Variants in DNAJC13 observed in about 807,000 individuals in gnomAD.
The protein encoded by DNAJC13 is dnaJ homolog subfamily C member 13.
A neutral mutation model predicts 290.5 loss-of-function variants in DNAJC13; 75 were observed. That is an observed-to-expected ratio of 0.26 (90% confidence interval 0.21 to 0.31). DNAJC13 has a LOEUF of 0.31. DNAJC13 is among the 10% of genes least tolerant of loss of function. DNAJC13 has a pLI of 1.00. For missense variants in DNAJC13, 2,260 were observed against 2,674.5 expected, an observed-to-expected ratio of 0.85 and a Z score of 3.42; for synonymous variants, 862 against 892.0, an observed-to-expected ratio of 0.97 and a Z score of 0.60.
In DNAJC13 at chr3:132,461,254, C is replaced by T. The variant is rs183896381; in HGVS notation, c.1713+49C>T. 90 of 1,580,358 alleles carry T rather than the reference C, an allele frequency of 5.7e-5. No homozygotes were observed. The Admixed American group carries it at 6.0e-4, about 11-fold the overall frequency. ...CAGATAACAGTGAATTTAAGGGAAC[C>T]GCTTTTAGGATCACTGTTTCTAAGA... On this transcript the variant is annotated intron_variant, in intron 15 of 55. Coordinates refer to ENST00000260818, the MANE Select transcript of DNAJC13 (RefSeq NM_015268.4).
intron 20 of DNAJC13, among the ~76,000 whole-genome samples, chr3:132,471,174 C>T (rs1225992629): frequency 1.5e-5 from 2 of 131,520 alleles, no homozygotes; most frequent in East Asian, 4.7e-4. Flanking sequence ...GGGCTCCTCA[C>T]TTCCCAGTAG....
At chr3:132,482,199 A>G in intron 26 of DNAJC13, 27 bp from the exon 27 acceptor site, 1 of 1,585,334 alleles carries the variant, frequency 6.3e-7, no homozygotes, top group Non-Finnish European at 8.6e-7. Flanking sequence ...TGCCTTGGAA[A>G]ATAATTTAAA....
chr3:132,440,631 T>C (rs1398055311), intron 2 of DNAJC13, among the ~76,000 whole-genome samples: 1 of 152,236 alleles, frequency 6.6e-6, no homozygotes, highest in Non-Finnish European at 1.5e-5. Flanking sequence ...AAGCTATACC[T>C]TGTAGCCTAG....
In DNAJC13 at chr3:132,494,940, T is replaced by G. The variant is rs1387267360; in HGVS notation, c.3942-148T>G. On this transcript the variant is annotated intron_variant, in intron 34 of 55. Transcript: ENST00000260818. ...GTAACATGTTAAAAAAAAAAAATCT[T>G]AATTCTTTCTGGGTTTAATTTGAAG... 5 of 468,302 alleles carry G rather than the reference T, an allele frequency of 1.1e-5. No individual in the cohort carries two copies. The East Asian group carries it at 1.7e-4, about 16-fold the overall frequency. The allele number at this position is 468,302 out of a possible 1,614,324, so 29.0% of individuals were successfully genotyped here.
At chr3:132,508,879 A>G (rs1216956033) in intron 43 of DNAJC13, among the ~76,000 whole-genome samples, 5 of 152,242 alleles carry the variant, frequency 3.3e-5, no homozygotes, top group African/African-American at 1.2e-4. Flanking sequence ...TTTTAAGCCC[A>G]CTGTGGAGAC....
intron 27 of DNAJC13, among the ~76,000 whole-genome samples, chr3:132,482,791 T>A (rs923842255): frequency 4.6e-5 from 7 of 151,502 alleles, no homozygotes; most frequent in African/African-American, 1.2e-4. Context: ...TCCAGGAGGT[T>A]GAGACTGCAG....
intron 13 of DNAJC13, among the ~76,000 whole-genome samples, chr3:132,459,855 G>C (rs530287493): frequency 6.6e-6 from 1 of 152,216 alleles, no homozygotes; most frequent in Admixed American, 6.5e-5. Flanking sequence ...CATCACGCTG[G>C]AATGTTTTAT....
At chr3:132,507,133 C>G (rs1935619652) in intron 42 of DNAJC13, 104 bp from the exon 43 acceptor site, 1 of 697,368 alleles carries the variant, frequency 1.4e-6, no homozygotes, top group South Asian at 2.2e-5. Flanking sequence ...CACATTTTTT[C>G]TCTAGAATAT....
At chr3:132,463,562 A>G in intron 16 of DNAJC13, 134 bp from the exon 17 acceptor site, 3 of 963,004 alleles carry the variant, frequency 3.1e-6, no homozygotes, top group Non-Finnish European at 4.4e-6. Context: ...TTGGGTGATT[A>G]GAAGATGCAT....
At chr3:132,418,514 C>T (rs578155606) in intron 1 of DNAJC13, among the ~76,000 whole-genome samples, 3 of 152,210 alleles carry the variant, frequency 2.0e-5, no homozygotes, top group Admixed American at 6.5e-5. Flanking sequence ...TTTCCTGTGT[C>T]CGTTGCTTAG....
intron 44 of DNAJC13, 95 bp downstream of exon 44, chr3:132,511,339 T>C: frequency 1.5e-6 from 2 of 1,368,508 alleles, no homozygotes; most frequent in Non-Finnish European, 2.0e-6. Context: ...CAGGGAAAAT[T>C]ATACTTGGTT....
Position 132,480,398 on chromosome 3 carries a change from T to C in DNAJC13, c.2802T>C (p.Asn934=). 6.2e-7 allele frequency: 1 copy of C among 1,613,488 alleles called. No homozygotes were observed. The highest frequency in any genetic ancestry group is 8.5e-7 in the Non-Finnish European group (1 of 1,179,632). Residue 934 remains asparagine, a synonymous_variant, in exon 26 of 56, where the codon AAT becomes AAC. Coordinates refer to ENST00000260818, the MANE Select transcript of DNAJC13 (RefSeq NM_015268.4). ...ATGTTAAGGATCTCATGGATTCAAA[T>C]GGAATAAGAATCCTTGTGGACTTGC... is the stretch of plus-strand genomic sequence containing the variant. ...KKNVKDLMDS[N]GIRILVDLLT...
intron 20 of DNAJC13, among the ~76,000 whole-genome samples, chr3:132,472,018 C>T (rs1243153710): frequency 1.3e-5 from 2 of 149,624 alleles, no homozygotes; most frequent in South Asian, 2.2e-4. Flanking sequence ...CTGAGGTTGG[C>T]GGGATCACTC....
chr3:132,525,508 G>C, intron 51 of DNAJC13, 102 bp from the exon 52 acceptor site: 1 of 1,203,642 alleles, frequency 8.3e-7, no homozygotes, highest in Non-Finnish European at 1.2e-6. Flanking sequence ...TCAGCACTTA[G>C]AACTTTTGAA....
chr3:132,499,044 T>C (rs1935329157), intron 36 of DNAJC13, 82 bp from the exon 37 acceptor site: 1 of 1,287,472 alleles, frequency 7.8e-7, no homozygotes, highest in African/African-American at 1.5e-5. Context: ...GGCAACATAT[T>C]CTTGAACATG....
intron 8 of DNAJC13, 37 bp from the exon 9 acceptor site, chr3:132,454,028 CT>C (rs755532444): frequency 4.7e-5 from 68 of 1,455,294 alleles, no homozygotes; most frequent in East Asian, 1.2e-4. Context: ...AAACTATAAA[CT>C]TTTTTTTGTT....
chr3:132,482,449 C>T lies in DNAJC13; in HGVS notation c.2979+119C>T, dbSNP rs1323169858. 5 of 666,566 alleles carry T rather than the reference C, an allele frequency of 7.5e-6. No individual in the cohort carries two copies. In the East Asian group the frequency reaches 1.4e-4, roughly 19 times the overall value. 41.3% of individuals were successfully genotyped at this position (666,566 alleles called of 1,614,324 possible). On this transcript the variant is annotated intron_variant, in intron 27 of 55. Transcript: ENST00000260818. ...TCATTTAAATTCCTGTTATTAGCTC[C>T]AAGGGCCCTGCAACTCAGTTTCCAC...
chr3:132,477,229 T>C (rs75337974), intron 22 of DNAJC13, among the ~76,000 whole-genome samples: 3,318 of 152,332 alleles, frequency 0.022, 127 homozygotes, highest in African/African-American at 0.075. Flanking sequence ...CTTTTTATAA[T>C]TGCCTGAAAT....
intron 43 of DNAJC13, 32 bp from the exon 44 acceptor site, chr3:132,511,035 A>T (rs779939057): frequency 5.1e-5 from 82 of 1,602,980 alleles, no homozygotes; most frequent in Non-Finnish European, 6.1e-5. Context: ...TAGGGCACCC[A>T]TGTTGTTTAA....
Sources: gnomAD v4.1 joint callset for allele counts (sites outside exome capture counted in the v4.1 genomes callset) on GRCh38, gnomAD v4.1.1 for gene constraint, MANE v1.5 for transcripts, NCBI Gene and HGNC (gene_info 2026-07-23, HGNC 2026-07-21) for gene names.